Variants in CAMK2D observed in about 807,000 individuals in gnomAD.
CAMK2D encodes calcium/calmodulin dependent protein kinase II delta.
CAMK2D carries 37 observed loss-of-function variants against 84.0 expected under a neutral mutation model. The observed-to-expected ratio is 0.44, with a 90% confidence interval of 0.34 to 0.58. The LOEUF (loss-of-function observed/expected upper bound fraction) is 0.58. Ranked by LOEUF, CAMK2D falls within the 20% of genes least tolerant of loss-of-function variation. The probability of loss-of-function intolerance (pLI) is 0.02; values close to 1 mark genes in which losing one functional copy is unlikely to be tolerated. For missense variants in CAMK2D, 448 were observed against 652.5 expected (o/e 0.69, Z 3.41); for synonymous variants, 202 against 212.5 (o/e 0.95, Z 0.43).
intron 7 of CAMK2D, among the ~76,000 whole-genome samples, chr4:113,537,122 C>T (rs1242150728): frequency 6.6e-6 from 1 of 152,160 alleles, no homozygotes; most frequent in Non-Finnish European, 1.5e-5. Context: ...TGTATGTCTT[C>T]TTGTTCTCCC....
intron 2 of CAMK2D, among the ~76,000 whole-genome samples, chr4:113,720,198 C>CT (rs1338870834): frequency 6.6e-6 from 1 of 151,968 alleles, no homozygotes; most frequent in African/African-American, 2.4e-5. Flanking sequence ...TTGGGGATGG[C>CT]CACAGGTCTT....
intron 2 of CAMK2D, among the ~76,000 whole-genome samples, chr4:113,728,253 A>G (rs1043966538): frequency 6.6e-6 from 1 of 152,188 alleles, no homozygotes; most frequent in African/African-American, 2.4e-5. Flanking sequence ...AACAATCTAA[A>G]TGTCCCTCAA....
chr4:113,479,026 G>T (rs188736868), intron 16 of CAMK2D, among the ~76,000 whole-genome samples: 152 of 152,226 alleles, frequency 1.0e-3, no homozygotes, highest in Admixed American at 3.6e-3. Context: ...CACATGCAGT[G>T]ATGTTAATAA....
intron 3 of CAMK2D, among the ~76,000 whole-genome samples, chr4:113,659,551 T>C (rs2099219065): frequency 1.3e-5 from 2 of 152,210 alleles, no homozygotes; most frequent in South Asian, 4.1e-4. Flanking sequence ...GCAGACATTA[T>C]ACAGAGGGAA....
chr4:113,547,674 A>G lies in CAMK2D; in HGVS notation c.384T>C (p.His128=), dbSNP rs1381427590. ...QQILEAVLHC[H]QMGVVHRDLK... ...GGTCCCGATGGACCACGCCCATCTG[A>G]TGGCAGTGTAGCACAGCCTCCAGGA... The change falls in exon 6 of 21, where the codon CAT becomes CAC. Residue 128 remains histidine (H), a synonymous_variant. Transcript: ENST00000511664. The G allele has an allele frequency of 1.3e-6, 2 of 1,570,366 alleles. No individual in the cohort carries two copies. The highest frequency in any genetic ancestry group is 2.3e-5 in the East Asian group (1 of 43,724).
At chr4:113,532,897 G>C (rs985917902) in intron 7 of CAMK2D, among the ~76,000 whole-genome samples, 1 of 150,874 alleles carries the variant, frequency 6.6e-6, no homozygotes, top group Non-Finnish European at 1.5e-5. Flanking sequence ...ACAGAGAGTG[G>C]CTCTAAGTTA....
chr4:113,470,965 T>G (rs2097540702), intron 16 of CAMK2D, among the ~76,000 whole-genome samples: 1 of 152,218 alleles, frequency 6.6e-6, no homozygotes, highest in South Asian at 2.1e-4. Flanking sequence ...TGATGGTACA[T>G]TATTTGGTGA....
At chr4:113,734,722 G>C (rs1181639139) in intron 2 of CAMK2D, among the ~76,000 whole-genome samples, 1 of 152,032 alleles carries the variant, frequency 6.6e-6, no homozygotes, top group African/African-American at 2.4e-5. Flanking sequence ...AATTTGAAAG[G>C]CTGATGGGAA....
chr4:113,454,773 G>GA (rs1327141950), intron 20 of CAMK2D, among the ~76,000 whole-genome samples: 1 of 152,122 alleles, frequency 6.6e-6, no homozygotes, highest in Non-Finnish European at 1.5e-5. Flanking sequence ...AAGAGACAGA[G>GA]ACACAGTCTT....
intron 4 of CAMK2D, among the ~76,000 whole-genome samples, chr4:113,595,931 T>C (rs986085319): frequency 1.3e-5 from 2 of 152,198 alleles, no homozygotes; most frequent in Non-Finnish European, 2.9e-5. Context: ...TGCTGCATAT[T>C]GATTGACTTT....
chr4:113,637,379 C>A (rs913255316), intron 3 of CAMK2D, among the ~76,000 whole-genome samples: 2 of 152,072 alleles, frequency 1.3e-5, no homozygotes, highest in African/African-American at 4.8e-5. Flanking sequence ...AACATATCCC[C>A]CAATGTTTCA....
intron 3 of CAMK2D, among the ~76,000 whole-genome samples, chr4:113,641,283 C>T (rs551068424): frequency 6.6e-6 from 1 of 152,264 alleles, no homozygotes; most frequent in South Asian, 2.1e-4. Flanking sequence ...ATCCTGGTTC[C>T]ACCCTTCATA....
chr4:113,743,383 T>G (rs575566360), intron 2 of CAMK2D, among the ~76,000 whole-genome samples: 2 of 152,352 alleles, frequency 1.3e-5, no homozygotes, highest in South Asian at 4.1e-4. Flanking sequence ...GGAGCCATTT[T>G]TGGACACTTT....
At chr4:113,551,077 T>TTGA (rs2098624849) in intron 5 of CAMK2D, among the ~76,000 whole-genome samples, 1 of 152,124 alleles carries the variant, frequency 6.6e-6, no homozygotes, top group African/African-American at 2.4e-5. Flanking sequence ...GCAGAGTCAA[T>TTGA]CTCTGCTCCC....
At chr4:113,619,293 C>T (rs374370165) in intron 3 of CAMK2D, among the ~76,000 whole-genome samples, 1 of 152,108 alleles carries the variant, frequency 6.6e-6, no homozygotes, top group Admixed American at 6.5e-5. Flanking sequence ...ATGGCAAGTC[C>T]AGTAGCCTCC....
chr4:113,656,475 T>A (rs1164621386), intron 3 of CAMK2D, among the ~76,000 whole-genome samples: 1 of 152,170 alleles, frequency 6.6e-6, no homozygotes, highest in Non-Finnish European at 1.5e-5. Flanking sequence ...ATTGTGCTCA[T>A]GTAACTAGGA....
rs1040507291 is a variant in CAMK2D at position 113,505,054 on chromosome 4, TAGAAAC to T, written c.985-25_985-20del. 3 of 1,538,912 alleles carry T rather than the reference TAGAAAC, an allele frequency of 1.9e-6. No individual in the cohort carries two copies. Among genetic ancestry groups the T allele is most frequent in the African/African-American group, 1.4e-5 (1 of 72,894 alleles). The stretch of plus-strand genomic sequence containing the variant: ...TGTTTATCTGTGGGTATGCAGAAAA[TAGAAAC>T]AGAGATGCCTTAAACCCCTTGGTAG... On this transcript the variant is annotated intron_variant, in intron 13 of 20. Coordinates refer to ENST00000511664, the MANE Select transcript of CAMK2D (RefSeq NM_001321571.2).
chr4:113,656,317 T>C (rs977870262), intron 3 of CAMK2D, among the ~76,000 whole-genome samples: 9 of 152,152 alleles, frequency 5.9e-5, no homozygotes, highest in Admixed American at 5.2e-4. Context: ...AGCCAAAAGA[T>C]GCATGGTGCT....
chr4:113,553,526 T>A (rs979820467), intron 4 of CAMK2D, among the ~76,000 whole-genome samples: 1 of 152,218 alleles, frequency 6.6e-6, no homozygotes, highest in Non-Finnish European at 1.5e-5. Context: ...CAGTTAGTAT[T>A]CTCTCCCTTA....
Sources: gnomAD v4.1 joint callset for allele counts (sites outside exome capture counted in the v4.1 genomes callset) on GRCh38, gnomAD v4.1.1 for gene constraint, MANE v1.5 for transcripts, NCBI Gene and HGNC (gene_info 2026-07-23, HGNC 2026-07-21) for gene names.